The following LIN7A variants were observed in gnomAD, a reference collection of about 807,000 sequenced individuals.
The protein encoded by LIN7A is lin-7 cell polarity scaffold A.
In LIN7A, 25 loss-of-function variants were observed where a neutral mutation model predicts 29.8. That is an observed-to-expected ratio of 0.84 (90% CI 0.61 to 1.17). The LOEUF is 1.17. Among genes scored for constraint, LIN7A ranks in the 50% most tolerant of loss-of-function variants. The probability of loss-of-function intolerance (pLI) is 0.00; values close to 1 mark genes in which losing one functional copy is unlikely to be tolerated. For synonymous variants in LIN7A, 118 were observed against 107.5 expected (o/e 1.10, Z -0.60); for missense variants, 239 against 287.0 (o/e 0.83, Z 1.21).
chr12:80,816,245 G>T (rs1871525365), intron 4 of LIN7A, among the ~76,000 whole-genome samples: 1 of 151,982 alleles, frequency 6.6e-6, no homozygotes, highest in South Asian at 2.1e-4. Context: ...TCTCTACAAA[G>T]AATTTTTATT....
chr12:80,818,414 C>G (rs754302081), intron 4 of LIN7A, among the ~76,000 whole-genome samples: 7 of 152,162 alleles, frequency 4.6e-5, no homozygotes, highest in Non-Finnish European at 1.0e-4. Flanking sequence ...TGCAACATAT[C>G]TGTTAAAAAG....
chr12:80,811,541 C>A lies in LIN7A; in HGVS notation c.626G>T (p.Arg209Leu). The change falls in exon 5 of 6, where the codon CGG (arginine) becomes CTG (leucine). Residue 209 changes from arginine (R) to leucine (L), a missense_variant. Transcript: ENST00000552864. Reference protein sequence around the residue: ...RFEKLRTARRRQQQQLLIQQQ... With the variant: ...RFEKLRTARRLQQQQLLIQQQ... ...CTGAATTAGCAATTGCTGCTGCTGCCGACGCCTGGCTGTTCGTAGCTTTTC... is the reference window on the plus strand; with the variant it reads ...CTGAATTAGCAATTGCTGCTGCTGCAGACGCCTGGCTGTTCGTAGCTTTTC... 6.2e-7 allele frequency: 1 copy of A among 1,613,144 alleles called. No individual in the cohort carries two copies. The highest frequency in any genetic ancestry group is 8.5e-7 in the Non-Finnish European group (1 of 1,179,600).
At chr12:80,926,875 C>T (rs1877608690) in intron 1 of LIN7A, among the ~76,000 whole-genome samples, 1 of 145,064 alleles carries the variant, frequency 6.9e-6, no homozygotes. Flanking sequence ...TTACAGTAAG[C>T]CGAGATCGCA....
intron 2 of LIN7A, among the ~76,000 whole-genome samples, chr12:80,872,555 T>C (rs759844830): frequency 2.0e-4 from 30 of 152,244 alleles, no homozygotes; most frequent in Non-Finnish European, 7.3e-5. Context: ...TGAGCTATTA[T>C]AGTGTATTCA....
chr12:80,928,349 C>T (rs537854443), intron 1 of LIN7A, among the ~76,000 whole-genome samples: 1 of 152,258 alleles, frequency 6.6e-6, no homozygotes, highest in Admixed American at 6.5e-5. Flanking sequence ...TCCTATTTCT[C>T]CACATCCTCT....
At chr12:80,854,263 T>C (rs575121529) in intron 2 of LIN7A, among the ~76,000 whole-genome samples, 16 of 152,062 alleles carry the variant, frequency 1.1e-4, no homozygotes, top group African/African-American at 3.4e-4. Flanking sequence ...AGCCATACAA[T>C]GGACTACTTG....
chr12:80,888,716 T>C (rs1348180247), intron 2 of LIN7A, among the ~76,000 whole-genome samples: 2 of 152,166 alleles, frequency 1.3e-5, no homozygotes, highest in Non-Finnish European at 2.9e-5. Flanking sequence ...AAAATTCAAA[T>C]AGTCATTTCA....
chr12:80,845,282 T>C (rs1399440936), intron 4 of LIN7A, among the ~76,000 whole-genome samples: 2 of 151,662 alleles, frequency 1.3e-5, no homozygotes, highest in Non-Finnish European at 2.9e-5. Context: ...GCCTTTTTCA[T>C]ATGTGTTATT....
chr12:80,932,771 A>G (rs1296389843), intron 1 of LIN7A, among the ~76,000 whole-genome samples: 1 of 152,220 alleles, frequency 6.6e-6, no homozygotes, highest in Admixed American at 6.5e-5. Flanking sequence ...CATACTTTAG[A>G]AAGTCCCTAA....
chr12:80,909,917 T>C (rs568573311), intron 1 of LIN7A, among the ~76,000 whole-genome samples: 1 of 152,088 alleles, frequency 6.6e-6, no homozygotes, highest in South Asian at 2.1e-4. Flanking sequence ...CTTACATCTC[T>C]GTATTAGGTT....
chr12:80,841,959 A>G, intron 4 of LIN7A: 1 of 1,148,634 alleles, frequency 8.7e-7, no homozygotes, highest in Non-Finnish European at 1.1e-6. Context: ...AGAAGTAGCC[A>G]TACACCAAAG....
Position 80,797,300 on chromosome 12 carries a change from T to C in LIN7A, c.*427A>G, listed in dbSNP as rs1169631335. The C allele has an allele frequency of 6.6e-6, 1 of 152,478 alleles. No individual in the cohort carries two copies. The highest frequency in any genetic ancestry group is 1.5e-5 in the Non-Finnish European group (1 of 68,046). 9.4% of individuals were successfully genotyped at this position (152,478 alleles called of 1,614,324 possible). On this transcript the variant is annotated 3_prime_UTR_variant, in exon 6 of 6. Coordinates refer to ENST00000552864, the MANE Select transcript of LIN7A (RefSeq NM_004664.4). ...GCAGGTGAGGGTAAGGAGCAATGTGTAGGTTTCACTTTGAACTGATGCAGT... is the reference window on the plus strand; with the variant it reads ...GCAGGTGAGGGTAAGGAGCAATGTGCAGGTTTCACTTTGAACTGATGCAGT...
intron 1 of LIN7A, among the ~76,000 whole-genome samples, chr12:80,894,569 C>T (rs982091194): frequency 4.6e-5 from 7 of 152,016 alleles, no homozygotes; most frequent in African/African-American, 1.7e-4. Context: ...CTGAGGGTAA[C>T]TGAAATTTTG....
chr12:80,861,364 C>G (rs545061125), intron 2 of LIN7A: 7 of 154,144 alleles, frequency 4.5e-5, no homozygotes, highest in Non-Finnish European at 1.0e-4. Context: ...GGGAAGCTGT[C>G]CTATAAATCC....
At chr12:80,863,820 G>A (rs1490324811) in intron 2 of LIN7A, among the ~76,000 whole-genome samples, 1 of 152,064 alleles carries the variant, frequency 6.6e-6, no homozygotes, top group Non-Finnish European at 1.5e-5. Flanking sequence ...CTTAACCATA[G>A]GGTAAGGACA....
At chr12:80,852,979 T>C (rs558032525) in intron 2 of LIN7A, among the ~76,000 whole-genome samples, 2 of 152,310 alleles carry the variant, frequency 1.3e-5, no homozygotes, top group East Asian at 3.9e-4. Flanking sequence ...TATTATCAGC[T>C]GTAGTGGCAA....
chr12:80,921,100 G>A (rs1459939324), intron 1 of LIN7A, among the ~76,000 whole-genome samples: 1 of 152,160 alleles, frequency 6.6e-6, no homozygotes, highest in East Asian at 1.9e-4. Context: ...AGGACTTTGA[G>A]ATATGATTAA....
At chr12:80,864,839 T>C (rs1874058335) in intron 2 of LIN7A, among the ~76,000 whole-genome samples, 1 of 152,174 alleles carries the variant, frequency 6.6e-6, no homozygotes, top group African/African-American at 2.4e-5. Flanking sequence ...TCTTTGGGGA[T>C]GGCAAAAATC....
chr12:80,820,744 T>C (rs1418255784), intron 4 of LIN7A, among the ~76,000 whole-genome samples: 1 of 152,110 alleles, frequency 6.6e-6, no homozygotes, highest in African/African-American at 2.4e-5. Context: ...AAATGATACC[T>C]TTAAATCAGT....
Sources: allele counts gnomAD v4.1 joint callset (sites outside exome capture counted in the v4.1 genomes callset), GRCh38; gene constraint gnomAD v4.1.1; transcripts MANE v1.5; gene names NCBI Gene and HGNC (gene_info 2026-07-23, HGNC 2026-07-21).